The following SLFNL1 variants were observed in gnomAD, a reference collection of about 807,000 sequenced individuals.
SLFNL1 encodes schlafen like 1, also known as schlafen-like protein 1.
Under a neutral mutation model 32.5 loss-of-function variants are expected in SLFNL1, and 26 were observed. The observed-to-expected ratio is 0.80, with a 90% CI of 0.59 to 1.11. SLFNL1 has a LOEUF of 1.11. Ranked by LOEUF, SLFNL1 falls within the 50% of genes least tolerant of loss-of-function variation. The pLI is 0.00. For missense variants in SLFNL1, 553 were observed against 546.5 expected, an observed-to-expected ratio of 1.01 and a Z score of -0.12; for synonymous variants, 255 against 242.2, an observed-to-expected ratio of 1.05 and a Z score of -0.49.
Position 41,018,235 on chromosome 1 carries a change from C to T in SLFNL1, c.436-79G>A, listed in dbSNP as rs1458812391. 6 of 1,375,540 alleles carry T rather than the reference C, an allele frequency of 4.4e-6. No individual in the cohort carries two copies. The African/African-American group carries it at 4.4e-5, about 10-fold the overall frequency. 85.2% of individuals were successfully genotyped at this position (1,375,540 alleles called of 1,614,324 possible). A position where few individuals can be genotyped will look rare whatever the true frequency, so the allele number is the denominator to read the frequency against. ...TGACCCTGAGAAGGACTGCAAGAACCCCCAGTCAGGCCCCTGCTGCAGCCT... is the reference window on the plus strand; with the variant it reads ...TGACCCTGAGAAGGACTGCAAGAACTCCCAGTCAGGCCCCTGCTGCAGCCT... On this transcript the variant is annotated intron_variant, in intron 3 of 5. Transcript: ENST00000302946.
chr1:41,020,146 C>T, intron 3 of SLFNL1, 80 bp downstream of exon 3: 1 of 1,420,346 alleles, frequency 7.0e-7, no homozygotes, highest in South Asian at 1.4e-5. Flanking sequence ...CCCTCCATCC[C>T]CACTCTGCAG....
At chr1:41,018,828 GTTTTTTTTTTTT>G (rs34061852) in intron 3 of SLFNL1, among the ~76,000 whole-genome samples, 26 of 60,652 alleles carry the variant, frequency 4.3e-4, no homozygotes, top group African/African-American at 9.2e-4. Flanking sequence ...CAACCCTCCT[GTTTTTTTTTTTT>G]TTTTTTTTTT....
At position 41,020,422 on chromosome 1, in the gene SLFNL1, C is replaced by T. The variant is rs375007225; in HGVS notation, c.239G>A (p.Arg80Gln). 3.1e-5 allele frequency: 50 copies of T among 1,613,056 alleles called. No homozygotes were observed. The highest frequency in any genetic ancestry group is 6.7e-5 in the Admixed American group (4 of 60,032). Reference protein sequence around the residue: ...TLERLEMPVAREHIEVVRRPR... With the variant: ...TLERLEMPVAQEHIEVVRRPR... ...CCGCCTCACCACTTCAATGTGCTCC[C>T]GCGCCACCGGCATCTCCAGCCGCTC... Residue 80 changes from arginine to glutamine, a missense_variant, in exon 3 of 6, where the codon CGG becomes CAG. Transcript: ENST00000302946.
At chr1:41,018,832 T>TG (rs1643580980) in intron 3 of SLFNL1, among the ~76,000 whole-genome samples, 2 of 131,674 alleles carry the variant, frequency 1.5e-5, no homozygotes, top group Admixed American at 1.5e-4. Context: ...CCTCCTGTTT[T>TG]TTTTTTTTTT....
Position 41,017,302 on chromosome 1 carries a change from A to T in SLFNL1, c.1033T>A (p.Phe345Ile). ...TGGATGCTCCCGTCGCGCCGCAGAA[A>T]CACCTCCCCCTGGTCTGTCTGGTAG... ...QLYQTDQGEV[F>I]LRRDGSIQGP... The change falls in exon 5 of 6, where the codon TTT becomes ATT. Residue 345 changes from phenylalanine (F) to isoleucine (I), a missense_variant. Transcript: ENST00000302946. This position sits in a 1 kb window ranked among gnomAD's most constrained non-coding sequence, Gnocchi z 4.9. The T allele has an allele frequency of 1.2e-6, 2 of 1,613,250 alleles. No individual in the cohort carries two copies.
In SLFNL1 at chr1:41,016,233, G is replaced by C; in HGVS notation, c.1102-5C>G. ...GCCCAGCTCCACCAGCCACCTCTGA[G>C]GGGACATGGGAAAAGCATGTGGCCA... On this transcript the variant is annotated splice_polypyrimidine_tract_variant and splice_region_variant and intron_variant, in intron 5 of 5. Coordinates refer to ENST00000302946, the MANE Select transcript of SLFNL1 (RefSeq NM_144990.4). The C allele has an allele frequency of 6.2e-7, 1 of 1,613,824 alleles. No homozygotes were observed. Among genetic ancestry groups the C allele is most frequent in the Non-Finnish European group, 8.5e-7 (1 of 1,179,802 alleles).
chr1:41,016,121 G>A lies in SLFNL1; in HGVS notation c.1209C>T (p.Thr403=). ...CCCAGGGCCCTCACAGGACACAGCA[G>A]GTGCAGGACACAGGCCCGTGCTGCT... ...QLQQHGPVSC[T]CCVL is the part of the protein sequence containing the mutation. Residue 403 remains threonine (T), a synonymous_variant, in exon 6 of 6, where the codon ACC becomes ACT. Transcript: ENST00000302946. 1 of 1,613,842 alleles carries A rather than the reference G, an allele frequency of 6.2e-7. No individual in the cohort carries two copies. Among genetic ancestry groups the A allele is most frequent in the African/African-American group, 1.3e-5 (1 of 75,040 alleles).
At position 41,015,966 on chromosome 1, in the gene SLFNL1, C is replaced by T. The variant is rs1643289711; in HGVS notation, c.*140G>A. ...AGGGTTGAAGCCACATGGGTGCCTG[C>T]TCATGTGCCATGTTGAAGGAGTCCC... is the stretch of plus-strand genomic sequence containing the variant. On this transcript the variant is annotated 3_prime_UTR_variant, in exon 6 of 6. Coordinates refer to ENST00000302946, the MANE Select transcript of SLFNL1 (RefSeq NM_144990.4). 6 of 1,198,562 alleles carry T rather than the reference C, an allele frequency of 5.0e-6. No homozygotes were observed. The highest frequency in any genetic ancestry group is 2.5e-5 in the East Asian group (1 of 39,676). 74.2% of individuals were successfully genotyped at this position (1,198,562 alleles called of 1,614,324 possible). A position where few individuals can be genotyped will look rare whatever the true frequency, so the allele number is the denominator to read the frequency against.
In SLFNL1 at chr1:41,020,855, G is replaced by A; in HGVS notation, c.-119+9C>T. The A allele has an allele frequency of 1.7e-6, 1 of 597,866 alleles. No individual in the cohort carries two copies. Among genetic ancestry groups the A allele is most frequent in the Admixed American group, 3.0e-5 (1 of 33,880 alleles). 37.0% of individuals were successfully genotyped at this position (597,866 alleles called of 1,614,324 possible). On this transcript the variant is annotated intron_variant, in intron 2 of 5. Transcript: ENST00000302946. ...GCAGAGGGCAAGCAGGAAAGGGCCTGCCACCCACCTGAGGCCTAGGATGAG... is the reference window on the plus strand; with the variant it reads ...GCAGAGGGCAAGCAGGAAAGGGCCTACCACCCACCTGAGGCCTAGGATGAG...
rs1643445635 is a variant in SLFNL1 at position 41,017,519 on chromosome 1, C to T, written c.957+116G>A. On this transcript the variant is annotated intron_variant, in intron 4 of 5. Transcript: ENST00000302946. This position sits in a 1 kb window ranked among gnomAD's most constrained non-coding sequence, Gnocchi z 4.9. ...ACAGGGGCCATCCCCAGCCTCTTCTCCTGTGGCCCCCAGTCCCGTCCCTGC... is the reference window on the plus strand; with the variant it reads ...ACAGGGGCCATCCCCAGCCTCTTCTTCTGTGGCCCCCAGTCCCGTCCCTGC... The T allele has an allele frequency of 6.7e-7, 1 of 1,489,522 alleles. No homozygotes were observed. The highest frequency in any genetic ancestry group is 8.9e-7 in the Non-Finnish European group (1 of 1,118,580). The allele number at this position is 1,489,522 out of a possible 1,614,324, so 92.3% of individuals were successfully genotyped here. A position where few individuals can be genotyped will look rare whatever the true frequency, so the allele number is the denominator to read the frequency against.
intron 3 of SLFNL1, among the ~76,000 whole-genome samples, chr1:41,018,805 C>T (rs1643570809): frequency 2.0e-5 from 3 of 150,804 alleles, no homozygotes; most frequent in Admixed American, 1.3e-4. Flanking sequence ...CTTCCAGGCT[C>T]ACCCTTTCAT....
chr1:41,018,385 A>G (rs888331959), intron 3 of SLFNL1: 4 of 448,396 alleles, frequency 8.9e-6, no homozygotes, highest in African/African-American at 8.0e-5. Flanking sequence ...TTCCCTGCCA[A>G]GCTGGGCCCT....
Position 41,017,455 on chromosome 1 carries a change from T to C in SLFNL1, c.958-78A>G. ...CCCCATCCTGCCAGGCTGCTCAGCA[T>C]TGCTCACTGATTCCTTAGGGCAGGC... On this transcript the variant is annotated intron_variant, in intron 4 of 5. Coordinates refer to ENST00000302946, the MANE Select transcript of SLFNL1 (RefSeq NM_144990.4). The surrounding 1 kb of genome is among the most constrained non-coding windows in gnomAD (Gnocchi z 4.9). 6.4e-7 allele frequency: 1 copy of C among 1,553,198 alleles called. No homozygotes were observed. Among genetic ancestry groups the C allele is most frequent in the South Asian group, 1.2e-5 (1 of 82,868 alleles).
chr1:41,020,105 T>C (rs1167728509), intron 3 of SLFNL1, 121 bp downstream of exon 3: 1 of 1,032,540 alleles, frequency 9.7e-7, no homozygotes, highest in African/African-American at 1.6e-5. Flanking sequence ...CCCCCAAGTT[T>C]GCAGATTTGT....
At position 41,015,823 on chromosome 1, in the gene SLFNL1, T is replaced by C. The variant is rs1643284364; in HGVS notation, c.*283A>G. ...ATGAGCATTTTAGGGAGAAGGACAATCCCTTATAGCTTAGCCCTAGGGGAG... is the reference window on the plus strand; with the variant it reads ...ATGAGCATTTTAGGGAGAAGGACAACCCCTTATAGCTTAGCCCTAGGGGAG... On this transcript the variant is annotated 3_prime_UTR_variant, in exon 6 of 6. Coordinates refer to ENST00000302946, the MANE Select transcript of SLFNL1 (RefSeq NM_144990.4). 1 of 274,464 alleles carries C rather than the reference T, an allele frequency of 3.6e-6. No individual in the cohort carries two copies. The highest frequency in any genetic ancestry group is 6.8e-6 in the Non-Finnish European group (1 of 147,496). 17.0% of individuals were successfully genotyped at this position (274,464 alleles called of 1,614,324 possible).
Position 41,017,573 on chromosome 1 carries a change from C to T in SLFNL1, c.957+62G>A, listed in dbSNP as rs1643452604. ...AGCACTGCCTGGCAGGAGTGCAGGC[C>T]ATCGTCTTACTGAGTGATGACAGAT... On this transcript the variant is annotated intron_variant, in intron 4 of 5. Transcript: ENST00000302946. This position sits in a 1 kb window ranked among gnomAD's most constrained non-coding sequence, Gnocchi z 4.9. 4.0e-6 allele frequency: 6 copies of T among 1,506,370 alleles called. No individual in the cohort carries two copies. In the East Asian group the frequency reaches 1.4e-4, roughly 34 times the overall value. 93.3% of individuals were successfully genotyped at this position (1,506,370 alleles called of 1,614,324 possible).
rs1558211103 is a variant in SLFNL1 at position 41,020,461 on chromosome 1, A to G, written c.200T>C (p.Leu67Pro). ...QFSVPVLACL[L>P]RDTLERLEMP... ...CTCCAGCCGCTCCAGGGTGTCTCGCAGCAGGCAGGCAAGCACCGGCACTGA... is the reference window on the plus strand; with the variant it reads ...CTCCAGCCGCTCCAGGGTGTCTCGCGGCAGGCAGGCAAGCACCGGCACTGA... The change falls in exon 3 of 6, where the codon CTG becomes CCG. Residue 67 changes from leucine to proline, a missense_variant. By Grantham distance (98) the Leu-to-Pro change is moderately conservative. Transcript: ENST00000302946. 1.2e-6 allele frequency: 2 copies of G among 1,613,444 alleles called. No homozygotes were observed. The highest frequency in any genetic ancestry group is 1.1e-5 in the South Asian group (1 of 91,080).
chr1:41,020,732 C>A lies in SLFNL1; in HGVS notation c.-72G>T. On this transcript the variant is annotated 5_prime_UTR_variant, in exon 3 of 6. Transcript: ENST00000302946. ...CTGCTTCTCCCAGGGTCTGTGTTCT[C>A]AGTGTGGCTTAAGGGCTCCCAGAGG... The A allele has an allele frequency of 6.8e-7, 1 of 1,462,622 alleles. No individual in the cohort carries two copies. Among genetic ancestry groups the A allele is most frequent in the South Asian group, 1.3e-5 (1 of 79,072 alleles). The allele number at this position is 1,462,622 out of a possible 1,614,324, so 90.6% of individuals were successfully genotyped here.
chr1:41,020,680 AG>A lies in SLFNL1; in HGVS notation c.-21del. 1 of 1,595,678 alleles carries A rather than the reference AG, an allele frequency of 6.3e-7. No individual in the cohort carries two copies. Among genetic ancestry groups the A allele is most frequent in the Non-Finnish European group, 8.6e-7 (1 of 1,167,822 alleles). ...GGTCATGGGAAGGCTCTCCCTGGGAAGGGGTTCCAGGATTCCTCACTGCTGG... is the reference window on the plus strand; with the variant it reads ...GGTCATGGGAAGGCTCTCCCTGGGAAGGGTTCCAGGATTCCTCACTGCTGG... On this transcript the variant is annotated 5_prime_UTR_variant, in exon 3 of 6. Transcript: ENST00000302946.
Sources: gnomAD v4.1 joint callset for allele counts (sites outside exome capture counted in the v4.1 genomes callset) on GRCh38, gnomAD v4.1.1 for gene constraint, Gnocchi (gnomAD v3.1) non-coding constraint, MANE v1.5 for transcripts, NCBI Gene and HGNC (gene_info 2026-07-23, HGNC 2026-07-21) for gene names.